Variants in TSNAXIP1 observed in about 807,000 individuals in gnomAD.
TSNAXIP1 encodes translin-associated factor X-interacting protein 1.
In TSNAXIP1, 89 loss-of-function variants were observed where a neutral mutation model predicts 84.8. The ratio of observed to expected loss-of-function variants is 1.05; its 90% CI spans 0.88 to 1.25. The LOEUF is 1.25. TSNAXIP1 is among the 50% of genes most tolerant of loss of function. TSNAXIP1 has a pLI of 0.00. For missense variants in TSNAXIP1, 874 were observed against 887.6 expected, an observed-to-expected ratio of 0.98 and a Z score of 0.20; for synonymous variants, 347 against 335.2, an observed-to-expected ratio of 1.04 and a Z score of -0.39.
chr16:67,824,477 C>G (rs2057295468), intron 5 of TSNAXIP1, 106 bp from the exon 6 acceptor site: 1 of 1,060,746 alleles, frequency 9.4e-7, no homozygotes, highest in Non-Finnish European at 1.4e-6. Context: ...TGCAGAGATT[C>G]TTGGGGTTTG....
At chr16:67,807,734 C>T (rs1364227949) in intron 1 of TSNAXIP1, 4 of 210,754 alleles carry the variant, frequency 1.9e-5, no homozygotes, top group Non-Finnish European at 4.0e-5. Flanking sequence ...CCTCCCACTT[C>T]GACCTCTCAA....
chr16:67,819,336 C>T (rs1041234373), intron 2 of TSNAXIP1, among the ~76,000 whole-genome samples: 10 of 150,546 alleles, frequency 6.6e-5, no homozygotes, highest in Admixed American at 1.3e-4. Flanking sequence ...CTCTGCCTCC[C>T]GAGTTCAAGC....
intron 2 of TSNAXIP1, among the ~76,000 whole-genome samples, chr16:67,818,878 A>G (rs540482722): frequency 1.3e-5 from 2 of 152,022 alleles, no homozygotes; most frequent in East Asian, 3.9e-4. Context: ...TAATTTTTGT[A>G]TTTTTAGTAG....
intron 1 of TSNAXIP1, 168 bp downstream of exon 1, chr16:67,807,364 G>A: frequency 6.5e-7 from 1 of 1,532,758 alleles, no homozygotes; most frequent in African/African-American, 1.4e-5. Context: ...GCCCAGTGAA[G>A]ACGTTACGTG....
chr16:67,824,871 G>T, intron 6 of TSNAXIP1, 92 bp downstream of exon 6: 3 of 1,385,572 alleles, frequency 2.2e-6, no homozygotes, highest in Non-Finnish European at 2.0e-6. Flanking sequence ...GCCTTTCTAC[G>T]GAGAGTGACA....
In TSNAXIP1 at chr16:67,809,195, C is replaced by T. The variant is rs111646081; in HGVS notation, c.47+1999C>T. Among the ~76,000 whole-genome samples the T allele has an allele frequency of 3.2e-3, 454 of 142,170 alleles. 7 individuals are homozygous for T. Among genetic ancestry groups the T allele is most frequent in the African/African-American group, 0.011 (422 of 36,802 alleles). The allele number at this position is 142,170 out of a possible 152,430, so 93.3% of individuals were successfully genotyped here. A position where few individuals can be genotyped will look rare whatever the true frequency, so the allele number is the denominator to read the frequency against. On this transcript the variant is annotated intron_variant, in intron 1 of 15. Transcript: ENST00000561639. ...TATTAAAAAAAAAAAAATGGCCGGG[C>T]GTGGTGGCTCACGCCTGTAATCCCA...
At chr16:67,821,052 G>A (rs771757894) in intron 3 of TSNAXIP1, 47 bp from the exon 4 acceptor site, 3 of 1,610,468 alleles carry the variant, frequency 1.9e-6, no homozygotes, top group Non-Finnish European at 1.7e-6. Flanking sequence ...GAGGGCACAA[G>A]GGCCCCGTGG....
chr16:67,814,173 G>C, intron 1 of TSNAXIP1, 129 bp from the exon 2 acceptor site: 1 of 688,758 alleles, frequency 1.5e-6, no homozygotes, highest in Non-Finnish European at 2.5e-6. Context: ...AGTGTCTCTG[G>C]GAATCCGGAG....
intron 2 of TSNAXIP1, among the ~76,000 whole-genome samples, chr16:67,814,602 G>A (rs923495917): frequency 6.6e-6 from 1 of 152,140 alleles, no homozygotes; most frequent in African/African-American, 2.4e-5. Flanking sequence ...TACACTGGCT[G>A]CCTGCTCCTT....
chr16:67,811,690 C>A (rs2056100379), intron 1 of TSNAXIP1, among the ~76,000 whole-genome samples: 1 of 152,042 alleles, frequency 6.6e-6, no homozygotes, highest in South Asian at 2.1e-4. Flanking sequence ...GATTTGCCCA[C>A]CTCTCCCTCC....
rs531462288 is a variant in TSNAXIP1 at position 67,827,335 on chromosome 16, G to A, written c.1751G>A (p.Ser584Asn). The change falls in exon 14 of 16, where the codon AGC becomes AAC. Residue 584 changes from serine to asparagine, a missense_variant. Physicochemically the swap from Ser to Asn is conservative, Grantham distance 46. Transcript: ENST00000561639. ...GCAGGGGGCTGGCATCCCAGCAGCAGCAATGCAGACTTGCTCAACTACCGC... is the reference window on the plus strand; with the variant it reads ...GCAGGGGGCTGGCATCCCAGCAGCAACAATGCAGACTTGCTCAACTACCGC... ...MEAGGWHPSSSNADLLNYRSL... is the reference protein window; with the variant it reads ...MEAGGWHPSSNNADLLNYRSL... 7 of 1,614,202 alleles carry A rather than the reference G, an allele frequency of 4.3e-6. No individual in the cohort carries two copies. In the South Asian group the frequency reaches 6.6e-5, roughly 15 times the overall value.
rs985710184 is a variant in TSNAXIP1 at position 67,828,018 on chromosome 16, C to A, written c.*25C>A. ...GGAACTTGTGGGCAGCCTGCGTACT[C>A]CAGTCCTGCTAACCCCTAGCTTTTA... is the stretch of plus-strand genomic sequence containing the variant. On this transcript the variant is annotated 3_prime_UTR_variant, in exon 16 of 16. Transcript: ENST00000561639. 1 of 1,609,424 alleles carries A rather than the reference C, an allele frequency of 6.2e-7. No homozygotes were observed. Among genetic ancestry groups the A allele is most frequent in the Non-Finnish European group, 8.5e-7 (1 of 1,177,872 alleles).
rs761944830 is a variant in TSNAXIP1, at chr16:67,821,192, G to C, written c.354G>C (p.Leu118=). The change falls in exon 4 of 16, where the codon CTG becomes CTC. Residue 118 remains leucine (L), a synonymous_variant. Coordinates refer to ENST00000561639, the MANE Select transcript of TSNAXIP1 (RefSeq NM_001288990.3). ...YLRKELLLLD[L]GTDSTQELRL... is the part of the protein sequence containing the mutation. ...GCAAGGAGCTCCTCCTGCTGGACCTGGGCACAGATTCCACCCAGGAACTAA... is the reference window on the plus strand; with the variant it reads ...GCAAGGAGCTCCTCCTGCTGGACCTCGGCACAGATTCCACCCAGGAACTAA... 1 of 1,609,292 alleles carries C rather than the reference G, an allele frequency of 6.2e-7. No individual in the cohort carries two copies. Among genetic ancestry groups the C allele is most frequent in the Non-Finnish European group, 8.5e-7 (1 of 1,178,306 alleles).
At chr16:67,822,092 C>A (rs1194306320) in intron 4 of TSNAXIP1, among the ~76,000 whole-genome samples, 6 of 151,772 alleles carry the variant, frequency 4.0e-5, no homozygotes, top group Admixed American at 3.3e-4. Flanking sequence ...TCCTGGCTAA[C>A]ATGGTGAAAC....
At chr16:67,824,861 G>C (rs1254817002) in intron 6 of TSNAXIP1, 82 bp downstream of exon 6, 14 of 1,441,378 alleles carry the variant, frequency 9.7e-6, no homozygotes, top group Non-Finnish European at 1.3e-5. Context: ...ACCCTGCTCT[G>C]CCTTTCTACG....
intron 7 of TSNAXIP1, 128 bp from the exon 8 acceptor site, chr16:67,825,539 C>T (rs779180979): frequency 2.9e-5 from 39 of 1,355,448 alleles, no homozygotes; most frequent in Non-Finnish European, 3.9e-5. Flanking sequence ...TAGACTTTAG[C>T]CTGAAACCCT....
chr16:67,827,044 G>A lies in TSNAXIP1; in HGVS notation c.1636G>A (p.Glu546Lys), dbSNP rs763317994. The change falls in exon 13 of 16, where the codon GAG (glutamate) becomes AAG (lysine). Residue 546 changes from glutamate (E) to lysine (K), a missense_variant. Glu to Lys is a moderately conservative substitution (Grantham distance 56). Transcript: ENST00000561639. ...GATGACAAATGCTGACAGTCAGAAC[G>A]AGGGGCTACTAACCATGGAGCAGTT... ...KEMTNADSQN[E>K]GLLTMEQFNT... The A allele has an allele frequency of 1.9e-5, 30 of 1,614,148 alleles. No individual in the cohort carries two copies. The highest frequency in any genetic ancestry group is 2.2e-5 in the South Asian group (2 of 91,072).
chr16:67,821,819 G>A (rs1020587638), intron 4 of TSNAXIP1, among the ~76,000 whole-genome samples: 3 of 151,568 alleles, frequency 2.0e-5, no homozygotes, highest in African/African-American at 7.3e-5. Context: ...GTGAAACCCT[G>A]CCTCTACTAA....
At chr16:67,818,094 G>A (rs1291663818) in intron 2 of TSNAXIP1, among the ~76,000 whole-genome samples, 3 of 150,940 alleles carry the variant, frequency 2.0e-5, no homozygotes, top group East Asian at 1.9e-4. Flanking sequence ...CTGTAATTCC[G>A]GCTACTCGGG....
Sources: allele counts gnomAD v4.1 joint callset (sites outside exome capture counted in the v4.1 genomes callset), GRCh38; gene constraint gnomAD v4.1.1; transcripts MANE v1.5; gene names NCBI Gene and HGNC (gene_info 2026-07-23, HGNC 2026-07-21).